The following STEAP3 variants were observed in gnomAD, a reference collection of about 807,000 sequenced individuals.
STEAP3 encodes STEAP3 metalloreductase.
In STEAP3, 35 loss-of-function variants were observed where a neutral mutation model predicts 34.9. The ratio of observed to expected loss-of-function variants is 1.00; its 90% CI spans 0.76 to 1.33. The LOEUF (loss-of-function observed/expected upper bound fraction) is 1.33. Ranked by LOEUF, STEAP3 falls within the 40% of genes most tolerant of loss-of-function variation. STEAP3 has a pLI of 0.00. For synonymous variants in STEAP3, 281 were observed against 301.6 expected, an observed-to-expected ratio of 0.93 and a Z score of 0.71; for missense variants, 652 against 667.6, an observed-to-expected ratio of 0.98 and a Z score of 0.26.
At chr2:119,226,869 TA>T (rs1679057086) in intron 1 of STEAP3, among the ~76,000 whole-genome samples, 8 of 152,174 alleles carry the variant, frequency 5.3e-5, no homozygotes. Context: ...AGGAGGTCGA[TA>T]ATGTTATTCT....
At chr2:119,239,152 G>A (rs563909347) in intron 2 of STEAP3, among the ~76,000 whole-genome samples, 51 of 152,290 alleles carry the variant, frequency 3.3e-4, no homozygotes, top group African/African-American at 1.0e-3. Flanking sequence ...AAGGACTGGC[G>A]TGTCCAGTAC....
intron 1 of STEAP3, among the ~76,000 whole-genome samples, chr2:119,224,488 C>T (rs544088801): frequency 5.3e-5 from 8 of 152,322 alleles, no homozygotes; most frequent in African/African-American, 1.9e-4. Context: ...CAAAGCTCCC[C>T]CTCCTGCCCA....
intron 2 of STEAP3, among the ~76,000 whole-genome samples, chr2:119,242,909 G>A (rs60709211): frequency 5.3e-5 from 8 of 152,220 alleles, no homozygotes; most frequent in South Asian, 4.1e-4. Flanking sequence ...CCCGCCTGCC[G>A]TGGACTCACT....
chr2:119,245,704 T>C lies in STEAP3; in HGVS notation c.238T>C (p.Ser80Pro). 3 of 1,614,174 alleles carry C rather than the reference T, an allele frequency of 1.9e-6. No homozygotes were observed. The highest frequency in any genetic ancestry group is 2.5e-6 in the Non-Finnish European group (3 of 1,180,016). ...NPKRTARLFP[S>P]AAQVTFQEEA... is the part of the protein sequence containing the mutation. ...CAAACGCACAGCCAGGCTGTTTCCC[T>C]CAGCGGCCCAAGTGACTTTCCAAGA... The change falls in exon 3 of 6, where the codon TCA becomes CCA. Residue 80 changes from serine (S) to proline (P), a missense_variant. Ser to Pro is a moderately conservative substitution (Grantham distance 74). Transcript: ENST00000393110.
At chr2:119,228,085 C>T (rs1679098422) in intron 1 of STEAP3, among the ~76,000 whole-genome samples, 1 of 152,190 alleles carries the variant, frequency 6.6e-6, no homozygotes, top group South Asian at 2.1e-4. Context: ...CTGCCTCGGC[C>T]TCCCAAAGTG....
rs758064666 is a variant in STEAP3, at chr2:119,263,373, G to A, written c.*35G>A. Reference sequence around the variant, plus strand: ...CCTGGGCTCTGGACCCCGGGCACACGAGGGACGGTGCCCTGAGCCCGTTAG... The same window carrying A: ...CCTGGGCTCTGGACCCCGGGCACACAAGGGACGGTGCCCTGAGCCCGTTAG... On this transcript the variant is annotated 3_prime_UTR_variant, in exon 6 of 6. Coordinates refer to ENST00000393110, the MANE Select transcript of STEAP3 (RefSeq NM_182915.3). 1.3e-5 allele frequency: 21 copies of A among 1,597,690 alleles called. No homozygotes were observed. In the East Asian group the frequency reaches 2.0e-4, roughly 15 times the overall value.
rs373263111 is a variant in STEAP3 at position 119,263,237 on chromosome 2, C to T, written c.1396C>T (p.Arg466Cys). The change falls in exon 6 of 6, where the codon CGC (arginine) becomes TGC (cysteine). Residue 466 changes from arginine to cysteine, a missense_variant. Coordinates refer to ENST00000393110, the MANE Select transcript of STEAP3 (RefSeq NM_182915.3). ...CCTGTTTCTCCTGCCCTGCATCAGCCGCAGACTCGCCAGGATCCGGAGAGG... is the reference window on the plus strand; with the variant it reads ...CCTGTTTCTCCTGCCCTGCATCAGCTGCAGACTCGCCAGGATCCGGAGAGG... ...KALFLLPCIS[R>C]RLARIRRGWE... The T allele has an allele frequency of 1.8e-5, 29 of 1,614,000 alleles. No homozygotes were observed. The highest frequency in any genetic ancestry group is 2.7e-5 in the African/African-American group (2 of 74,918).
At chr2:119,226,901 A>G (rs948398719) in intron 1 of STEAP3, among the ~76,000 whole-genome samples, 26 of 151,578 alleles carry the variant, frequency 1.7e-4, no homozygotes, top group African/African-American at 6.3e-4. Context: ...TGACTTTCCA[A>G]CTCCATATGG....
intron 3 of STEAP3, 113 bp from the exon 4 acceptor site, chr2:119,247,566 C>A: frequency 8.1e-7 from 1 of 1,232,358 alleles, no homozygotes; most frequent in Non-Finnish European, 1.1e-6. Flanking sequence ...ACTGGCAGCT[C>A]ACTTGAACAA....
intron 2 of STEAP3, among the ~76,000 whole-genome samples, 171 bp downstream of exon 2, chr2:119,231,205 C>T (rs1169763803): frequency 6.6e-6 from 1 of 152,146 alleles, no homozygotes; most frequent in Non-Finnish European, 1.5e-5. Flanking sequence ...GAACAGGCTG[C>T]AAAAAGTGCA....
intron 4 of STEAP3, among the ~76,000 whole-genome samples, chr2:119,251,554 T>C (rs2104833398): frequency 6.6e-6 from 1 of 152,256 alleles, no homozygotes; most frequent in Middle Eastern, 3.4e-3. Context: ...CACCCCGTTC[T>C]CCTATTACCT....
At chr2:119,226,316 G>A (rs533661187) in intron 1 of STEAP3, among the ~76,000 whole-genome samples, 10 of 152,328 alleles carry the variant, frequency 6.6e-5, no homozygotes, top group African/African-American at 1.2e-4. Context: ...CCCACGGTGC[G>A]TAGTGGCCAG....
At chr2:119,230,217 T>C (rs1261667573) in intron 1 of STEAP3, among the ~76,000 whole-genome samples, 1 of 152,156 alleles carries the variant, frequency 6.6e-6, no homozygotes, top group African/African-American at 2.4e-5. Flanking sequence ...CTTCCAAACC[T>C]CCAGCCTCCT....
intron 2 of STEAP3, among the ~76,000 whole-genome samples, chr2:119,233,187 C>T (rs550449498): frequency 6.6e-6 from 1 of 152,302 alleles, no homozygotes; most frequent in African/African-American, 2.4e-5. Flanking sequence ...GCCCAGGAGC[C>T]TCCAAAAACC....
At chr2:119,262,010 G>C (rs1677955662) in intron 5 of STEAP3, among the ~76,000 whole-genome samples, 1 of 152,150 alleles carries the variant, frequency 6.6e-6, no homozygotes, top group African/African-American at 2.4e-5. Context: ...TTTCCACCCG[G>C]GTTGTTTATA....
At chr2:119,250,066 TCA>T (rs1677576632) in intron 4 of STEAP3, among the ~76,000 whole-genome samples, 1 of 152,200 alleles carries the variant, frequency 6.6e-6, no homozygotes, top group Non-Finnish European at 1.5e-5. Context: ...TTGGCCAAAG[TCA>T]CACAGTCAGT....
intron 4 of STEAP3, among the ~76,000 whole-genome samples, chr2:119,249,233 G>T (rs1421178408): frequency 6.6e-6 from 1 of 152,014 alleles, no homozygotes; most frequent in Non-Finnish European, 1.5e-5. Context: ...TTGGTTGCCA[G>T]CAGGGTTCCT....
At chr2:119,228,522 C>T (rs545698749) in intron 1 of STEAP3, among the ~76,000 whole-genome samples, 23 of 152,354 alleles carry the variant, frequency 1.5e-4, no homozygotes, top group African/African-American at 5.3e-4. Flanking sequence ...AGATGACCCT[C>T]TGGCCCTTGG....
At position 119,245,475 on chromosome 2, in the gene STEAP3, G is replaced by A. The variant is rs2104818437; in HGVS notation, c.23-14G>A. The A allele has an allele frequency of 1.3e-6, 2 of 1,565,116 alleles. No homozygotes were observed. The highest frequency in any genetic ancestry group is 4.5e-5 in the East Asian group (2 of 44,104). ...GGAGCCCTCCACTGACCAGGTTCCT[G>A]ACTTCTCTTGCAGCCACCAAAATGC... On this transcript the variant is annotated splice_polypyrimidine_tract_variant and intron_variant, in intron 2 of 5. Coordinates refer to ENST00000393110, the MANE Select transcript of STEAP3 (RefSeq NM_182915.3).
Sources: allele counts gnomAD v4.1 joint callset (sites outside exome capture counted in the v4.1 genomes callset), GRCh38; gene constraint gnomAD v4.1.1; transcripts MANE v1.5; gene names NCBI Gene and HGNC (gene_info 2026-07-23, HGNC 2026-07-21).